PDE10A: variants seen among roughly 807,000 people sequenced by gnomAD.
PDE10A encodes cAMP and cAMP-inhibited cGMP 3',5'-cyclic phosphodiesterase 10A.
Under a neutral mutation model 97.7 loss-of-function variants are expected in PDE10A, and 39 were observed. The ratio of observed to expected loss-of-function variants is 0.40; its 90% CI spans 0.31 to 0.52. PDE10A has a LOEUF of 0.52. Among genes scored for constraint, PDE10A ranks in the 20% least tolerant of loss-of-function variants. The probability of loss-of-function intolerance (pLI) is 0.56; values close to 1 mark genes in which losing one functional copy is unlikely to be tolerated. For missense variants in PDE10A, 731 were observed against 1,047.8 expected, an observed-to-expected ratio of 0.70 and a Z score of 4.17; for synonymous variants, 371 against 376.8, an observed-to-expected ratio of 0.98 and a Z score of 0.18.
At chr6:165,761,846 C>T (rs1269846015) in intron 1 of PDE10A, among the ~76,000 whole-genome samples, 1 of 152,112 alleles carries the variant, frequency 6.6e-6, no homozygotes, top group Non-Finnish European at 1.5e-5. Context: ...GCTGGAACTA[C>T]CTTCTGTAAG....
At position 165,673,269 on chromosome 6, in the gene PDE10A, A is replaced by G. The variant is rs896516947; in HGVS notation, c.-614-129701T>C. Among the ~76,000 whole-genome samples the G allele has an allele frequency of 2.6e-5, 4 of 152,278 alleles. No homozygotes were observed. The East Asian group carries it at 7.7e-4, about 29-fold the overall frequency. On this transcript the variant is annotated intron_variant, in intron 1 of 19. Transcript: ENST00000366882. The stretch of plus-strand genomic sequence containing the variant: ...CCCATGAATGGTTAACCCCTAGTGC[A>G]TGTATATAGAATTCTATTTACAAAA...
intron 1 of PDE10A, among the ~76,000 whole-genome samples, chr6:165,694,170 T>C (rs987354956): frequency 1.3e-5 from 2 of 152,236 alleles, no homozygotes; most frequent in African/African-American, 4.8e-5. Context: ...TGCACACGTA[T>C]ATCTCATCAT....
At chr6:165,339,195 C>G (rs9457074) in intron 20 of PDE10A, 83 bp downstream of exon 20, 2 of 822,300 alleles carry the variant, frequency 2.4e-6, no homozygotes, top group Non-Finnish European at 4.3e-6. Context: ...TATATGATGA[C>G]ATGCTTTCCA....
At chr6:165,778,258 G>T (rs1478904560) in intron 1 of PDE10A, among the ~76,000 whole-genome samples, 11 of 152,054 alleles carry the variant, frequency 7.2e-5, no homozygotes, top group Admixed American at 7.2e-4. Flanking sequence ...TTTTAGTAGA[G>T]ACGGGGTTTC....
At chr6:165,731,487 G>A (rs549511514) in intron 1 of PDE10A, among the ~76,000 whole-genome samples, 283 of 152,312 alleles carry the variant, frequency 1.9e-3, no homozygotes, top group African/African-American at 6.6e-3. Context: ...CTGCCGGCAC[G>A]TTGGAGGAAC....
intron 1 of PDE10A, among the ~76,000 whole-genome samples, chr6:165,927,855 C>T (rs1041966460): frequency 2.7e-5 from 4 of 149,622 alleles, no homozygotes; most frequent in Admixed American, 6.7e-5. Flanking sequence ...CGCCACCATG[C>T]CCAGCTAATT....
chr6:165,376,473 AG>A (rs1784610244), intron 18 of PDE10A, among the ~76,000 whole-genome samples: 1 of 152,248 alleles, frequency 6.6e-6, no homozygotes, highest in Non-Finnish European at 1.5e-5. Flanking sequence ...AAGCAGGGGC[AG>A]GGTCTGAGAG....
At chr6:165,404,059 G>A (rs911239528) in intron 13 of PDE10A, among the ~76,000 whole-genome samples, 2 of 152,138 alleles carry the variant, frequency 1.3e-5, no homozygotes, top group Non-Finnish European at 2.9e-5. Flanking sequence ...AAAATAGCTA[G>A]AAGATTCATA....
intron 1 of PDE10A, among the ~76,000 whole-genome samples, chr6:165,740,451 C>T (rs1197449462): frequency 6.6e-6 from 1 of 152,190 alleles, no homozygotes; most frequent in Non-Finnish European, 1.5e-5. Context: ...CTGCCTCAGC[C>T]TCCTGAGTAG....
At chr6:165,783,772 C>A (rs1429164714) in intron 1 of PDE10A, among the ~76,000 whole-genome samples, 1 of 152,204 alleles carries the variant, frequency 6.6e-6, no homozygotes, top group Non-Finnish European at 1.5e-5. Context: ...TCTATGTCAA[C>A]ACCATTCATC....
chr6:165,571,128 C>G (rs1785029536), intron 1 of PDE10A, among the ~76,000 whole-genome samples: 1 of 152,210 alleles, frequency 6.6e-6, no homozygotes, highest in South Asian at 2.1e-4. Context: ...GAAGTGCTTT[C>G]ATTACTTCTA....
At chr6:165,909,423 G>A (rs768239911) in intron 1 of PDE10A, among the ~76,000 whole-genome samples, 2 of 152,176 alleles carry the variant, frequency 1.3e-5, no homozygotes, top group Non-Finnish European at 2.9e-5. Flanking sequence ...TGTTGGACTC[G>A]GACACCGTAG....
intron 1 of PDE10A, among the ~76,000 whole-genome samples, chr6:165,911,547 T>C (rs1476246730): frequency 6.6e-6 from 1 of 152,156 alleles, no homozygotes; most frequent in Non-Finnish European, 1.5e-5. Flanking sequence ...GTAACTCCCA[T>C]CTACACTGTC....
intron 13 of PDE10A, among the ~76,000 whole-genome samples, chr6:165,406,668 G>C (rs1489334689): frequency 2.0e-5 from 3 of 152,144 alleles, no homozygotes; most frequent in Non-Finnish European, 4.4e-5. Flanking sequence ...ATAGCAGGTA[G>C]AGCATGATTT....
intron 1 of PDE10A, among the ~76,000 whole-genome samples, chr6:165,792,302 G>A (rs530096528): frequency 6.6e-6 from 1 of 152,330 alleles, no homozygotes; most frequent in South Asian, 2.1e-4. Context: ...TCTGGATGGA[G>A]CAGGACGCAG....
At chr6:165,969,435 A>G (rs1301734790) in intron 1 of PDE10A, among the ~76,000 whole-genome samples, 1 of 152,172 alleles carries the variant, frequency 6.6e-6, no homozygotes, top group Admixed American at 6.5e-5. Context: ...ACACAGCTGT[A>G]GCTATAGCGA....
intron 1 of PDE10A, among the ~76,000 whole-genome samples, chr6:165,679,993 C>A (rs985738435): frequency 6.6e-6 from 1 of 151,788 alleles, no homozygotes; most frequent in African/African-American, 2.4e-5. Context: ...TTATGAGGCA[C>A]CCATGGTAGG....
At chr6:165,769,926 T>C (rs1777957899) in intron 1 of PDE10A, among the ~76,000 whole-genome samples, 1 of 152,202 alleles carries the variant, frequency 6.6e-6, no homozygotes, top group Admixed American at 6.5e-5. Context: ...AAGTACCTTA[T>C]AGCTATAAAT....
intron 1 of PDE10A, among the ~76,000 whole-genome samples, chr6:165,898,824 C>A: frequency 6.6e-6 from 1 of 152,182 alleles, no homozygotes; most frequent in African/African-American, 2.4e-5. Flanking sequence ...TCCATCCCAG[C>A]GCACTGCCTT....
Sources: allele counts gnomAD v4.1 joint callset (sites outside exome capture counted in the v4.1 genomes callset), GRCh38; gene constraint gnomAD v4.1.1; transcripts MANE v1.5; gene names NCBI Gene and HGNC (gene_info 2026-07-23, HGNC 2026-07-21).